Variants in SNTG2 observed in about 807,000 individuals in gnomAD.
The protein encoded by SNTG2 is gamma-2-syntrophin.
SNTG2 carries 74 observed loss-of-function variants against 70.9 expected under a neutral mutation model. That is an observed-to-expected ratio of 1.04 (90% confidence interval 0.86 to 1.27). The LOEUF (loss-of-function observed/expected upper bound fraction) is 1.27. SNTG2 is among the 50% of genes most tolerant of loss of function. The pLI, the probability that SNTG2 is intolerant of heterozygous loss-of-function variation, is 0.00. For synonymous variants in SNTG2, 278 were observed against 273.8 expected, an observed-to-expected ratio of 1.02 and a Z score of -0.15; for missense variants, 717 against 690.7, an observed-to-expected ratio of 1.04 and a Z score of -0.43.
intron 1 of SNTG2, among the ~76,000 whole-genome samples, chr2:1,075,572 G>A (rs1002493053): frequency 6.6e-6 from 1 of 152,200 alleles, no homozygotes; most frequent in Admixed American, 6.5e-5. Flanking sequence ...TTGTTTCTAT[G>A]TAGATCTTAG....
At chr2:1,315,377 CCT>C (rs1249644961) in intron 15 of SNTG2, among the ~76,000 whole-genome samples, 50 of 152,118 alleles carry the variant, frequency 3.3e-4, no homozygotes, top group Non-Finnish European at 2.9e-5. Context: ...AAACTTCTTC[CCT>C]GTTTTCTGCA....
At chr2:1,015,701 T>G (rs1659871241) in intron 1 of SNTG2, among the ~76,000 whole-genome samples, 1 of 152,238 alleles carries the variant, frequency 6.6e-6, no homozygotes. Context: ...TTGCCTAGTT[T>G]AGTGGATTGC....
At chr2:1,157,141 C>A (rs1159763421) in intron 6 of SNTG2, among the ~76,000 whole-genome samples, 2 of 152,194 alleles carry the variant, frequency 1.3e-5, no homozygotes, top group African/African-American at 4.8e-5. Flanking sequence ...CCTGACTCGG[C>A]CCCTTCCTCA....
At position 1,202,068 on chromosome 2, in the gene SNTG2, C is replaced by T. The variant is rs117981399; in HGVS notation, c.592-7035C>T. On this transcript the variant is annotated intron_variant, in intron 8 of 16. Transcript: ENST00000308624. ...ACACTACAGGAAATACTAAAACATG[C>T]TCTTCAAGCTGGAAGGACATTAAAC... Among the ~76,000 whole-genome samples the T allele has an allele frequency of 8.3e-4, 127 of 152,166 alleles. 2 individuals are homozygous for T. The East Asian group carries it at 0.021, about 26-fold the overall frequency.
At chr2:1,029,826 C>T (rs1036302945) in intron 1 of SNTG2, among the ~76,000 whole-genome samples, 10 of 152,298 alleles carry the variant, frequency 6.6e-5, no homozygotes, top group African/African-American at 2.4e-4. Flanking sequence ...GACCTTTTCT[C>T]AGTCATAAAC....
Position 1,222,129 on chromosome 2 carries a change from C to CTG in SNTG2, c.719+12900_719+12901insGT, listed in dbSNP as rs1209807504. Among the ~76,000 whole-genome samples the CTG allele has an allele frequency of 2.3e-3, 225 of 97,930 alleles. 18 individuals carry two copies. The highest frequency in any genetic ancestry group is 0.022 in the East Asian group (71 of 3,280). 64.2% of individuals were successfully genotyped at this position (97,930 alleles called of 152,430 possible). On this transcript the variant is annotated intron_variant, in intron 9 of 16. Transcript: ENST00000308624. ...TGTCTCTCTCTGTCTCTCTCTGTCT[C>CTG]TCTCTGTCTCTCTCTGTCTCTGCCT...
chr2:1,024,871 A>G (rs761186156), intron 1 of SNTG2, among the ~76,000 whole-genome samples: 12 of 152,224 alleles, frequency 7.9e-5, no homozygotes, highest in Non-Finnish European at 1.6e-4. Context: ...CTACCAAGAA[A>G]TAAAAAGAAA....
intron 1 of SNTG2, among the ~76,000 whole-genome samples, chr2:978,637 A>G (rs997100060): frequency 1.3e-5 from 2 of 152,174 alleles, no homozygotes; most frequent in Non-Finnish European, 2.9e-5. Flanking sequence ...CACTCATACA[A>G]TTTGCTAACC....
intron 8 of SNTG2, among the ~76,000 whole-genome samples, chr2:1,197,061 G>A (rs919720318): frequency 6.6e-6 from 1 of 152,030 alleles, no homozygotes; most frequent in Non-Finnish European, 1.5e-5. Context: ...AAAAAATGAT[G>A]TACACAACAA....
intron 8 of SNTG2, among the ~76,000 whole-genome samples, chr2:1,182,126 G>A (rs144173814): frequency 5.9e-5 from 9 of 152,144 alleles, no homozygotes; most frequent in African/African-American, 9.6e-5. Flanking sequence ...GCTTTTCCTC[G>A]CCTTGGGAGA....
At chr2:1,057,900 C>T (rs1662567870) in intron 1 of SNTG2, among the ~76,000 whole-genome samples, 1 of 152,044 alleles carries the variant, frequency 6.6e-6, no homozygotes, top group African/African-American at 2.4e-5. Flanking sequence ...AATTAGGTGG[C>T]ATGGTGGCGC....
chr2:1,222,130 T>TGG (rs1301914987), intron 9 of SNTG2, among the ~76,000 whole-genome samples: 2 of 107,938 alleles, frequency 1.9e-5, no homozygotes, highest in Non-Finnish European at 4.0e-5. Flanking sequence ...TCTCTGTCTC[T>TGG]CTCTGTCTCT....
At chr2:1,268,895 G>A (rs559524409) in intron 14 of SNTG2, among the ~76,000 whole-genome samples, 5 of 152,168 alleles carry the variant, frequency 3.3e-5, no homozygotes, top group South Asian at 2.1e-4. Context: ...TTCTCCATTC[G>A]CGTGTGTGTG....
At chr2:1,137,389 A>C (rs879300010) in intron 4 of SNTG2, among the ~76,000 whole-genome samples, 4 of 151,912 alleles carry the variant, frequency 2.6e-5, no homozygotes, top group Non-Finnish European at 5.9e-5. Flanking sequence ...CCACACACTC[A>C]GACTCGCAAA....
At chr2:1,028,342 C>T (rs1353470858) in intron 1 of SNTG2, among the ~76,000 whole-genome samples, 1 of 152,260 alleles carries the variant, frequency 6.6e-6, no homozygotes, top group African/African-American at 2.4e-5. Flanking sequence ...CCCACAGACA[C>T]TAAGCTCTGG....
intron 14 of SNTG2, among the ~76,000 whole-genome samples, chr2:1,292,951 T>A (rs1268235701): frequency 6.6e-6 from 1 of 152,206 alleles, no homozygotes; most frequent in Non-Finnish European, 1.5e-5. Context: ...TTTGGTAGAA[T>A]TCACCAGCGA....
chr2:1,155,276 C>T (rs1483893844), intron 6 of SNTG2, among the ~76,000 whole-genome samples: 3 of 151,474 alleles, frequency 2.0e-5, no homozygotes, highest in Admixed American at 6.6e-5. Flanking sequence ...ACCCACACCC[C>T]ACATAACATA....
intron 9 of SNTG2, among the ~76,000 whole-genome samples, chr2:1,228,727 T>C (rs116494449): frequency 0.01 from 1,583 of 152,312 alleles, 27 homozygotes; most frequent in African/African-American, 0.036. Flanking sequence ...CACTCTGGAT[T>C]CATGCAGGCT....
intron 6 of SNTG2, among the ~76,000 whole-genome samples, chr2:1,154,170 G>T (rs933628825): frequency 3.3e-5 from 5 of 152,106 alleles, no homozygotes; most frequent in African/African-American, 1.2e-4. Flanking sequence ...CGGGCGGGGA[G>T]AGGCGGGAGG....
Sources: allele counts gnomAD v4.1 joint callset (sites outside exome capture counted in the v4.1 genomes callset), GRCh38; gene constraint gnomAD v4.1.1; transcripts MANE v1.5; gene names NCBI Gene and HGNC (gene_info 2026-07-23, HGNC 2026-07-21).